Variants in ISM2 observed in about 807,000 individuals in gnomAD.
The protein encoded by ISM2 is isthmin-2.
A neutral mutation model predicts 58.0 loss-of-function variants in ISM2; 50 were observed. That is an observed-to-expected ratio of 0.86 (90% CI 0.69 to 1.09). The LOEUF is 1.09. Ranked by LOEUF, ISM2 falls within the 50% of genes least tolerant of loss-of-function variation. ISM2 has a pLI of 0.00. For missense variants in ISM2, 723 were observed against 745.0 expected (o/e 0.97, Z 0.34); for synonymous variants, 303 against 312.4 (o/e 0.97, Z 0.32).
intron 1 of ISM2, among the ~76,000 whole-genome samples, chr14:77,491,326 G>A (rs892537032): frequency 2.6e-5 from 4 of 152,118 alleles, no homozygotes; most frequent in East Asian, 3.8e-4. Context: ...CCCCCATCCC[G>A]CTCCAGGTGG....
chr14:77,482,369 C>A lies in ISM2; in HGVS notation c.926G>T (p.Gly309Val). 6.2e-7 allele frequency: 1 copy of A among 1,614,112 alleles called. No homozygotes were observed. Among genetic ancestry groups the A allele is most frequent in the South Asian group, 1.1e-5 (1 of 91,076 alleles). ...FNGTTDNWDQGWLAPGDWVFK... is the reference protein window; with the variant it reads ...FNGTTDNWDQVWLAPGDWVFK... ...GACCCAATCCCCGGGGGCCAGCCAG[C>A]CCTGGTCCCAGTTGTCTGTAGTTCC... is the stretch of plus-strand genomic sequence containing the variant. Residue 309 changes from glycine to valine, a missense_variant, in exon 4 of 7, where the codon GGC becomes GTC. Physicochemically the swap from Gly to Val is moderately radical, Grantham distance 109. Coordinates refer to ENST00000342219, the MANE Select transcript of ISM2 (RefSeq NM_199296.3).
chr14:77,490,740 T>C (rs1358731309), intron 1 of ISM2, among the ~76,000 whole-genome samples: 2 of 152,252 alleles, frequency 1.3e-5, no homozygotes, highest in Non-Finnish European at 1.5e-5. Flanking sequence ...TTGATCCTCG[T>C]AACAACCTGA....
rs913968799 is a variant in ISM2 at position 77,498,695 on chromosome 14, C to T, written c.99G>A (p.Arg33=). Residue 33 remains arginine (R), a synonymous_variant, in exon 1 of 7, where the codon CGG becomes CGA. Transcript: ENST00000342219. ...GGCTCCCAGGCCGTGGTCCGCGGAG[C>T]CGCGGCTTCTTCACGGGGAGCCCTA... ...AALGLPVKKP[R]LRGPRPGSLT... 2.7e-5 allele frequency: 40 copies of T among 1,483,774 alleles called. No individual in the cohort carries two copies. Among genetic ancestry groups the T allele is most frequent in the Non-Finnish European group, 3.3e-5 (37 of 1,125,150 alleles). 91.9% of individuals were successfully genotyped at this position (1,483,774 alleles called of 1,614,324 possible).
Position 77,475,342 on chromosome 14 carries a change from A to G in ISM2, c.*253T>C, listed in dbSNP as rs951975670. The G allele has an allele frequency of 1.1e-5, 4 of 360,036 alleles. No individual in the cohort carries two copies. Among genetic ancestry groups the G allele is most frequent in the African/African-American group, 8.4e-5 (4 of 47,736 alleles). The allele number at this position is 360,036 out of a possible 1,614,324, so 22.3% of individuals were successfully genotyped here. A position where few individuals can be genotyped will look rare whatever the true frequency, so the allele number is the denominator to read the frequency against. On this transcript the variant is annotated 3_prime_UTR_variant, in exon 7 of 7. Coordinates refer to ENST00000342219, the MANE Select transcript of ISM2 (RefSeq NM_199296.3). The surrounding 1 kb of genome is among the most constrained non-coding windows in gnomAD (Gnocchi z 4.1). ...AGCAGAGGGAGGCCCCGGCAGACAC[A>G]TGCACATATGCACATTTCCAGGGCT...
At chr14:77,498,275 A>AT in intron 1 of ISM2, 2 of 1,316,314 alleles carry the variant, frequency 1.5e-6, no homozygotes, top group Non-Finnish European at 2.0e-6. Context: ...AAAGCGCCAG[A>AT]TTCCTCGCAC....
chr14:77,476,107 C>A lies in ISM2; in HGVS notation c.1204G>T (p.Asp402Tyr). 2.0e-6 allele frequency: 3 copies of A among 1,517,080 alleles called. No individual in the cohort carries two copies. Among genetic ancestry groups the A allele is most frequent in the Non-Finnish European group, 2.6e-6 (3 of 1,137,038 alleles). 94.0% of individuals were successfully genotyped at this position (1,517,080 alleles called of 1,614,324 possible). A position where few individuals can be genotyped will look rare whatever the true frequency, so the allele number is the denominator to read the frequency against. The change falls in exon 7 of 7, where the codon GAC (aspartate) becomes TAC (tyrosine). Residue 402 changes from aspartate to tyrosine, a missense_variant. By Grantham distance (160) the Asp-to-Tyr change is radical. Transcript: ENST00000342219. ...CAGTTCAGCCACTTCTCACAGCTGT[C>A]CACATCTGCAAAGGGCCACAAAGTG... ...NATDMHDQDV[D>Y]SCEKWLNCKS...
intron 6 of ISM2, among the ~76,000 whole-genome samples, chr14:77,476,832 G>A (rs1430093381): frequency 6.6e-6 from 1 of 152,188 alleles, no homozygotes; most frequent in Non-Finnish European, 1.5e-5. Flanking sequence ...GGAGGTAGGA[G>A]CTCAAGACCA....
At chr14:77,497,757 GGGAGGGAGGGAGGGAAGGAAGGAA>G (rs1318356730) in intron 1 of ISM2, among the ~76,000 whole-genome samples, 14 of 94,220 alleles carry the variant, frequency 1.5e-4, no homozygotes, top group Non-Finnish European at 2.9e-4. Flanking sequence ...GAGGGAGGGA[GGGAGGGAGGGAGGGAAGGAAGGAA>G]GGAAGGAAGG....
At chr14:77,480,545 TTCC>T (rs2079125235) in intron 4 of ISM2, among the ~76,000 whole-genome samples, 1 of 126,862 alleles carries the variant, frequency 7.9e-6, no homozygotes, top group African/African-American at 2.9e-5. Context: ...CGGAAATTTT[TTCC>T]TTTTTTTTTT....
Position 77,479,220 on chromosome 14 carries a change from C to T in ISM2, c.974-505G>A, listed in dbSNP as rs912716344. On this transcript the variant is annotated intron_variant, in intron 4 of 6. Coordinates refer to ENST00000342219, the MANE Select transcript of ISM2 (RefSeq NM_199296.3). ...TAACTGGGACTACAGGTACGTGCCA[C>T]TAGGCCTGGCTAATTTTTTCTTTTT... Among the ~76,000 whole-genome samples the T allele has an allele frequency of 2.0e-5, 3 of 152,090 alleles. No homozygotes were observed. In the South Asian group the frequency reaches 6.2e-4, roughly 32 times the overall value.
At chr14:77,482,179 T>G (rs1163966505) in intron 4 of ISM2, 143 bp downstream of exon 4, 1 of 563,334 alleles carries the variant, frequency 1.8e-6, no homozygotes, top group Non-Finnish European at 3.1e-6. Context: ...TACTTTTGAG[T>G]TGATGATGGT....
chr14:77,485,436 C>T (rs1232517536), intron 1 of ISM2, among the ~76,000 whole-genome samples: 1 of 152,266 alleles, frequency 6.6e-6, no homozygotes, highest in Non-Finnish European at 1.5e-5. Context: ...GGGCTGTGTT[C>T]CTCCGCCTGC....
At chr14:77,486,982 C>T (rs1241569090) in intron 1 of ISM2, among the ~76,000 whole-genome samples, 1 of 151,880 alleles carries the variant, frequency 6.6e-6, no homozygotes, top group East Asian at 1.9e-4. Flanking sequence ...TGGCTCACGC[C>T]TGTAATCCTA....
intron 1 of ISM2, among the ~76,000 whole-genome samples, chr14:77,488,324 G>T (rs536999505): frequency 1.3e-5 from 2 of 152,198 alleles, no homozygotes; most frequent in African/African-American, 4.8e-5. Flanking sequence ...CTTATGTAAG[G>T]TCTTAAAGGT....
At position 77,475,591 on chromosome 14, in the gene ISM2, G is replaced by T. The variant is rs778602509; in HGVS notation, c.*4C>A. 6.5e-7 allele frequency: 1 copy of T among 1,549,544 alleles called. No individual in the cohort carries two copies. Among genetic ancestry groups the T allele is most frequent in the South Asian group, 1.2e-5 (1 of 81,036 alleles). ...CCTGCAGTGTCTGTTCAGCAACCCC[G>T]TCACTAGTACTCCTTGGCCTCCTGC... On this transcript the variant is annotated 3_prime_UTR_variant, in exon 7 of 7. Coordinates refer to ENST00000342219, the MANE Select transcript of ISM2 (RefSeq NM_199296.3). This position sits in a 1 kb window ranked among gnomAD's most constrained non-coding sequence, Gnocchi z 4.1.
At chr14:77,480,444 A>G (rs572668632) in intron 4 of ISM2, among the ~76,000 whole-genome samples, 137 of 152,148 alleles carry the variant, frequency 9.0e-4, no homozygotes, top group African/African-American at 3.3e-3. Context: ...GAAACCCCCA[A>G]AATACTGAGA....
At chr14:77,489,028 C>T (rs1168027447) in intron 1 of ISM2, among the ~76,000 whole-genome samples, 2 of 152,126 alleles carry the variant, frequency 1.3e-5, no homozygotes, top group Non-Finnish European at 2.9e-5. Context: ...TATATCTTTA[C>T]CAGTTCTCTC....
rs369519931 is a variant in ISM2, at chr14:77,475,643, G to C, written c.1668C>G (p.Pro556=). ...PNNGRACTDN[P]LEEEYLAQLQ... The stretch of plus-strand genomic sequence containing the variant: ...ACTGTGCTAGGTACTCCTCCTCCAG[G>C]GGGTTGTCGGTGCAGGCTCGGCCGT... The change falls in exon 7 of 7, where the codon CCC becomes CCG. Residue 556 remains proline, a synonymous_variant. Coordinates refer to ENST00000342219, the MANE Select transcript of ISM2 (RefSeq NM_199296.3). This position sits in a 1 kb window ranked among gnomAD's most constrained non-coding sequence, Gnocchi z 4.1. The C allele has an allele frequency of 1.3e-5, 21 of 1,611,312 alleles. No individual in the cohort carries two copies. The highest frequency in any genetic ancestry group is 2.2e-5 in the South Asian group (2 of 90,670).
At chr14:77,479,385 A>ATTT (rs1182524391) in intron 4 of ISM2, among the ~76,000 whole-genome samples, 1 of 118,718 alleles carries the variant, frequency 8.4e-6, no homozygotes, top group Admixed American at 8.6e-5. Flanking sequence ...TGCCTGGCTA[A>ATTT]TTTTTTTTTT....
Sources: gnomAD v4.1 joint callset for allele counts (sites outside exome capture counted in the v4.1 genomes callset) on GRCh38, gnomAD v4.1.1 for gene constraint, Gnocchi (gnomAD v3.1) non-coding constraint, MANE v1.5 for transcripts, NCBI Gene and HGNC (gene_info 2026-07-23, HGNC 2026-07-21) for gene names.